The following ZNF718 variants were observed in gnomAD, a reference collection of about 807,000 sequenced individuals.
ZNF718 encodes zinc finger protein 718.
A neutral mutation model predicts 2.6 loss-of-function variants in ZNF718; 3 were observed. That is an observed-to-expected ratio of 1.16 (90% CI 0.53 to 3.01). The LOEUF is 3.01. ZNF718 is among the 30% of genes most tolerant of loss of function. The pLI is 0.03. For missense variants in ZNF718, 468 were observed against 230.0 expected (o/e 2.03, Z -6.69); for synonymous variants, 135 against 77.9 (o/e 1.73, Z -3.86).
At chr4:171,567 C>T (rs1445690180) in intron 3 of ZNF718, among the ~76,000 whole-genome samples, 1 of 152,188 alleles carries the variant, frequency 6.6e-6, no homozygotes, top group Admixed American at 6.5e-5. Context: ...CCCAGCCTCA[C>T]TGCCGCCTTG....
At chr4:189,403 T>C (rs1717648897) in intron 3 of ZNF718, among the ~76,000 whole-genome samples, 1 of 152,160 alleles carries the variant, frequency 6.6e-6, no homozygotes, top group African/African-American at 2.4e-5. Flanking sequence ...TTTTCCAATG[T>C]TATTATTAAA....
intron 3 of ZNF718, among the ~76,000 whole-genome samples, chr4:181,702 T>G (rs1345071529): frequency 6.6e-6 from 1 of 152,166 alleles, no homozygotes; most frequent in African/African-American, 2.4e-5. Flanking sequence ...ATGCAGGATG[T>G]GTGGGCTTGT....
chr4:170,819 G>A (rs1261633719), intron 3 of ZNF718, among the ~76,000 whole-genome samples: 1 of 152,036 alleles, frequency 6.6e-6, no homozygotes, highest in African/African-American at 2.4e-5. Flanking sequence ...GGAGTAGTTT[G>A]ATCATCTGAA....
chr4:169,894 T>A (rs1454773623), intron 3 of ZNF718, among the ~76,000 whole-genome samples: 2 of 151,948 alleles, frequency 1.3e-5, no homozygotes, highest in African/African-American at 4.8e-5. Flanking sequence ...GTCATTATGA[T>A]GTTAGCTGGT....
chr4:198,194 A>T (rs1717829839), intron 3 of ZNF718, among the ~76,000 whole-genome samples: 1 of 151,770 alleles, frequency 6.6e-6, no homozygotes, highest in Non-Finnish European at 1.5e-5. Flanking sequence ...AGCAGAAAAA[A>T]CCCAGCAGCA....
chr4:148,196 G>A (rs554081758), intron 3 of ZNF718, among the ~76,000 whole-genome samples: 30 of 152,130 alleles, frequency 2.0e-4, no homozygotes, highest in Non-Finnish European at 3.8e-4. Flanking sequence ...GATTCATAGT[G>A]GGAATAAAGT....
intron 3 of ZNF718, among the ~76,000 whole-genome samples, chr4:191,373 A>T (rs1717691203): frequency 6.6e-6 from 1 of 151,920 alleles, no homozygotes; most frequent in South Asian, 2.1e-4. Context: ...GCTGGTCTTG[A>T]ACTCCTGACC....
intron 3 of ZNF718, 55 bp from the exon 4 acceptor site, chr4:160,857 G>C (rs1486770125): frequency 1.4e-6 from 1 of 701,976 alleles, no homozygotes; most frequent in Non-Finnish European, 2.6e-6. Context: ...GGCCTGTAAA[G>C]TATATTTATA....
At chr4:140,497 G>C (rs1232094719) in intron 3 of ZNF718, among the ~76,000 whole-genome samples, 2 of 152,132 alleles carry the variant, frequency 1.3e-5, no homozygotes, top group Non-Finnish European at 2.9e-5. Flanking sequence ...CCAAGCAGGG[G>C]ACCTGGTTAA....
intron 3 of ZNF718, among the ~76,000 whole-genome samples, chr4:135,732 T>TTATATATATATATATATATATATA (rs1303050207): frequency 0.022 from 1,736 of 77,504 alleles, 141 homozygotes; most frequent in African/African-American, 0.056. Flanking sequence ...TACTCTAGAG[T>TTATATATATATATATATATATATA]TATATATATG....
intron 3 of ZNF718, among the ~76,000 whole-genome samples, chr4:148,932 CTA>C (rs1716194850): frequency 6.6e-6 from 1 of 152,194 alleles, no homozygotes; most frequent in African/African-American, 2.4e-5. Context: ...GTAGCTGGGA[CTA>C]TGATGGGCAA....
intron 3 of ZNF718, among the ~76,000 whole-genome samples, chr4:193,954 C>T (rs539048694): frequency 6.6e-6 from 1 of 152,252 alleles, no homozygotes; most frequent in South Asian, 2.1e-4. Flanking sequence ...TCCTTGTAGA[C>T]CGCACTGGAA....
At chr4:169,378 AG>A (rs1429294581) in intron 3 of ZNF718, among the ~76,000 whole-genome samples, 2 of 152,244 alleles carry the variant, frequency 1.3e-5, no homozygotes, top group African/African-American at 2.4e-5. Flanking sequence ...TGCTTGGTGC[AG>A]GGCTGTGTTC....
At chr4:137,935 A>T (rs1299505516) in intron 3 of ZNF718, among the ~76,000 whole-genome samples, 1 of 152,168 alleles carries the variant, frequency 6.6e-6, no homozygotes, top group Non-Finnish European at 1.5e-5. Context: ...AAAATTGTAG[A>T]GTTATGCTTC....
intron 3 of ZNF718, among the ~76,000 whole-genome samples, chr4:157,927 A>G (rs1716650035): frequency 2.0e-5 from 3 of 152,168 alleles, no homozygotes; most frequent in Admixed American, 2.0e-4. Flanking sequence ...AAATTGGGGT[A>G]TCAAAATATC....
intron 3 of ZNF718, among the ~76,000 whole-genome samples, chr4:151,253 C>T (rs1322905585): frequency 6.6e-6 from 1 of 151,972 alleles, no homozygotes; most frequent in African/African-American, 2.4e-5. Context: ...CAGGTGCATA[C>T]TGCCATGCCC....
chr4:135,732 T>TTATATATA lies in ZNF718; in HGVS notation c.226+4229_226+4236dup, dbSNP rs1303050207. On this transcript the variant is annotated intron_variant, in intron 3 of 3. Coordinates refer to ENST00000510175, the MANE Select transcript of ZNF718 (RefSeq NM_001039127.6). ...GAGTTTTTGTTCATTTACTCTAGAGTTATATATATGTGCATGATTATATAA... is the reference window on the plus strand; with the variant it reads ...GAGTTTTTGTTCATTTACTCTAGAGTTATATATATATATATATGTGCATGATTATATAA... Among the ~76,000 whole-genome samples, 265 of 77,620 alleles carry TTATATATA rather than the reference T, an allele frequency of 3.4e-3. 29 individuals are homozygous for TTATATATA. The East Asian group carries it at 0.11, about 32-fold the overall frequency. The allele number at this position is 77,620 out of a possible 152,430, so 50.9% of individuals were successfully genotyped here.
chr4:187,948 C>T (rs1300406645), intron 3 of ZNF718, among the ~76,000 whole-genome samples: 1 of 152,156 alleles, frequency 6.6e-6, no homozygotes, highest in African/African-American at 2.4e-5. Context: ...GCATGGGTGG[C>T]AGGAAGCCCT....
chr4:169,892 G>T (rs1717181570), intron 3 of ZNF718, among the ~76,000 whole-genome samples: 1 of 151,844 alleles, frequency 6.6e-6, no homozygotes, highest in African/African-American at 2.4e-5. Context: ...CTGTCATTAT[G>T]ATGTTAGCTG....
Sources: allele counts gnomAD v4.1 joint callset (sites outside exome capture counted in the v4.1 genomes callset), GRCh38; gene constraint gnomAD v4.1.1; transcripts MANE v1.5; gene names NCBI Gene and HGNC (gene_info 2026-07-23, HGNC 2026-07-21).